USP8: variants seen among roughly 807,000 people sequenced by gnomAD.
The protein encoded by USP8 is ubiquitin carboxyl-terminal hydrolase 8.
USP8 carries 27 observed loss-of-function variants against 130.0 expected under a neutral mutation model. The ratio of observed to expected loss-of-function variants is 0.21; its 90% CI spans 0.15 to 0.29. USP8 has a LOEUF of 0.29. Among genes scored for constraint, USP8 ranks in the 10% least tolerant of loss-of-function variants. USP8 has a pLI of 1.00. For synonymous variants in USP8, 392 were observed against 444.1 expected (o/e 0.88, Z 1.48); for missense variants, 1,029 against 1,312.2 (o/e 0.78, Z 3.33).
At position 50,497,207 on chromosome 15, in the gene USP8, C is replaced by A; in HGVS notation, c.3014C>A (p.Pro1005His). 4 of 1,609,918 alleles carry A rather than the reference C, an allele frequency of 2.5e-6. No homozygotes were observed. The highest frequency in any genetic ancestry group is 3.4e-6 in the Non-Finnish European group (4 of 1,178,658). The change falls in exon 18 of 20, where the codon CCT becomes CAT. Residue 1005 changes from proline (P) to histidine (H), a missense_variant. This residue lies in a region of USP8 where 257 missense variants were observed against 429.8 expected (regional missense o/e 0.60). Transcript: ENST00000307179. ...AAGATAGAAATCTGGAAGTTACCAC[C>A]TGTGCTTTTAGTGCATCTGAAACGG... The part of the protein sequence containing the change: ...LKKIEIWKLP[P>H]VLLVHLKRFS...
At position 50,492,804 on chromosome 15, in the gene USP8, C is replaced by T; in HGVS notation, c.2338C>T (p.Arg780Cys). 2 of 1,614,134 alleles carry T rather than the reference C, an allele frequency of 1.2e-6. No individual in the cohort carries two copies. The highest frequency in any genetic ancestry group is 1.7e-6 in the Non-Finnish European group (2 of 1,180,030). Residue 780 changes from arginine (R) to cysteine (C), a missense_variant, in exon 15 of 20, where the codon CGT (arginine) becomes TGT (cysteine). By Grantham distance (180) the Arg-to-Cys change is radical. Around this residue, in one of 4 missense-constraint regions of USP8, gnomAD observed 257 missense variants for 429.8 expected, o/e 0.60. Coordinates refer to ENST00000307179, the MANE Select transcript of USP8 (RefSeq NM_005154.5). ...TTCTGGACCAGCTCTTACTGGACTT[C>T]GTAACTTAGGAAATACTTGTTATAT... Reference protein sequence around the residue: ...GGSGPALTGLRNLGNTCYMNS... With the variant: ...GGSGPALTGLCNLGNTCYMNS...
intron 1 of USP8, among the ~76,000 whole-genome samples, chr15:50,429,960 TA>T (rs2049877548): frequency 6.6e-6 from 1 of 152,196 alleles, no homozygotes. Context: ...GGAAAACAGT[TA>T]CCCTTTTGTT....
intron 7 of USP8, among the ~76,000 whole-genome samples, chr15:50,466,233 T>A (rs1452780384): frequency 6.6e-6 from 1 of 152,194 alleles, no homozygotes; most frequent in Non-Finnish European, 1.5e-5. Flanking sequence ...GTATAGTTCT[T>A]GGCATATTGC....
chr15:50,498,559 T>C, intron 18 of USP8, 37 bp from the exon 19 acceptor site: 1 of 1,568,354 alleles, frequency 6.4e-7, no homozygotes. Context: ...CCTGGTATCT[T>C]CCTCTGTCAG....
chr15:50,473,194 C>T (rs969441991), intron 8 of USP8, among the ~76,000 whole-genome samples: 1 of 152,044 alleles, frequency 6.6e-6, no homozygotes, highest in Non-Finnish European at 1.5e-5. Context: ...AAAAATAATA[C>T]GGTTGTCCTC....
chr15:50,460,145 C>T (rs1242753831), intron 5 of USP8, among the ~76,000 whole-genome samples: 1 of 150,744 alleles, frequency 6.6e-6, no homozygotes, highest in South Asian at 2.1e-4. Flanking sequence ...TTACAGGCGC[C>T]CGCCACCACA....
intron 12 of USP8, among the ~76,000 whole-genome samples, chr15:50,484,867 A>C (rs1401489884): frequency 1.3e-5 from 2 of 152,226 alleles, no homozygotes; most frequent in African/African-American, 2.4e-5. Flanking sequence ...GTCATTTGCT[A>C]AGTGAAATAA....
intron 13 of USP8, 29 bp from the exon 14 acceptor site, chr15:50,490,234 C>T (rs2052107324): frequency 6.4e-7 from 1 of 1,574,052 alleles, no homozygotes; most frequent in South Asian, 1.2e-5. Context: ...TGTTTTTTGA[C>T]CTGTTTTTTT....
chr15:50,440,699 C>A (rs1159447683), intron 2 of USP8, among the ~76,000 whole-genome samples: 2 of 152,048 alleles, frequency 1.3e-5, no homozygotes, highest in Non-Finnish European at 2.9e-5. Flanking sequence ...GCCTTAGATT[C>A]TCATAAAGAA....
intron 2 of USP8, 123 bp from the exon 3 acceptor site, chr15:50,441,226 G>A (rs1435463185): frequency 2.1e-6 from 2 of 937,850 alleles, no homozygotes; most frequent in East Asian, 5.9e-5. Context: ...CCGTGAACCA[G>A]TACCAATCTG....
intron 3 of USP8, among the ~76,000 whole-genome samples, chr15:50,446,371 A>G (rs1414694832): frequency 7.2e-6 from 1 of 139,152 alleles, no homozygotes. Context: ...ATGCCCAACC[A>G]TAAACAATTT....
chr15:50,488,438 A>G (rs1276933697), intron 12 of USP8, among the ~76,000 whole-genome samples: 1 of 151,756 alleles, frequency 6.6e-6, no homozygotes, highest in South Asian at 2.1e-4. Flanking sequence ...TGGCATGATC[A>G]TAGCTCACCT....
In USP8 at chr15:50,440,653, A is replaced by G. The variant is rs573715994; in HGVS notation, c.105-696A>G. 4.6e-5 allele frequency among the ~76,000 whole-genome samples: 7 copies of G among 152,198 alleles called. No homozygotes were observed. In the East Asian group the frequency reaches 1.2e-3, roughly 25 times the overall value. On this transcript the variant is annotated intron_variant, in intron 2 of 19. Transcript: ENST00000307179. ...TGTTTTCCTGCAACTGGACCATCACATCTGGGGGTGATGGTCGACAGTGAC... is the reference window on the plus strand; with the variant it reads ...TGTTTTCCTGCAACTGGACCATCACGTCTGGGGGTGATGGTCGACAGTGAC...
At chr15:50,489,492 A>C (rs2141315901) in intron 12 of USP8, 1 of 156,900 alleles carries the variant, frequency 6.4e-6, no homozygotes, top group Non-Finnish European at 1.4e-5. Context: ...GGCCTTTCTT[A>C]TTTGCTTGGA....
In USP8 at chr15:50,509,200, C is replaced by CCATCTACT. The variant is rs1247798881; in HGVS notation, c.*10113_*10120dup. On this transcript the variant is annotated 3_prime_UTR_variant, in exon 20 of 20. Coordinates refer to ENST00000307179, the MANE Select transcript of USP8 (RefSeq NM_005154.5). ...TGGACATGGTGTTGTGCCTGTAGTTCCATCTACTTGGGAGGCTGAGGTGGG... is the reference window on the plus strand; with the variant it reads ...TGGACATGGTGTTGTGCCTGTAGTTCCATCTACTCATCTACTTGGGAGGCTGAGGTGGG... The CCATCTACT allele has an allele frequency of 6.8e-6, 1 of 146,124 alleles. No homozygotes were observed. The highest frequency in any genetic ancestry group is 2.0e-4 in the East Asian group (1 of 4,920). The allele number at this position is 146,124 out of a possible 1,614,324, so 9.1% of individuals were successfully genotyped here.
In USP8 at chr15:50,502,339, C is replaced by T. The variant is rs1264821772; in HGVS notation, c.*3251C>T. 1 of 151,560 alleles carries T rather than the reference C, an allele frequency of 6.6e-6. No homozygotes were observed. The highest frequency in any genetic ancestry group is 2.4e-5 in the African/African-American group (1 of 41,118). 9.4% of individuals were successfully genotyped at this position (151,560 alleles called of 1,614,324 possible). On this transcript the variant is annotated 3_prime_UTR_variant, in exon 20 of 20. Coordinates refer to ENST00000307179, the MANE Select transcript of USP8 (RefSeq NM_005154.5). ...TTAGCCAGGATGGTCTCGATCTCGA[C>T]CTCGGGATCCTCCCACTTCGGCCTC...
rs147478631 is a variant in USP8, at chr15:50,437,707, A to G, written c.-65-1302A>G. Reference sequence around the variant, plus strand: ...GGAACCCTGTCATACTCTTTCCTCAATGGATGCTTTTAGCAAGTTTGATGA... The same window carrying G: ...GGAACCCTGTCATACTCTTTCCTCAGTGGATGCTTTTAGCAAGTTTGATGA... On this transcript the variant is annotated intron_variant, in intron 1 of 19. Transcript: ENST00000307179. 3.8e-4 allele frequency among the ~76,000 whole-genome samples: 58 copies of G among 152,370 alleles called. 1 individual carries two copies. In the East Asian group the frequency reaches 7.5e-3, roughly 20 times the overall value.
chr15:50,430,921 C>A (rs1049552202), intron 1 of USP8, among the ~76,000 whole-genome samples: 1 of 152,122 alleles, frequency 6.6e-6, no homozygotes, highest in African/African-American at 2.4e-5. Context: ...TTGGTTGTTA[C>A]AACTGGAAGG....
At chr15:50,427,866 T>G (rs557525773) in intron 1 of USP8, among the ~76,000 whole-genome samples, 1 of 151,778 alleles carries the variant, frequency 6.6e-6, no homozygotes, top group East Asian at 1.9e-4. Context: ...GCCCTTTTTT[T>G]TTTTAAACTG....
Sources: allele counts gnomAD v4.1 joint callset (sites outside exome capture counted in the v4.1 genomes callset), GRCh38; gene constraint gnomAD v4.1.1; regional missense constraint gnomAD v4.1.1; transcripts MANE v1.5; gene names NCBI Gene and HGNC (gene_info 2026-07-23, HGNC 2026-07-21).